Variants in YLPM1 observed in about 807,000 individuals in gnomAD.
YLPM1 encodes YLP motif-containing protein 1.
YLPM1 carries 99 observed loss-of-function variants against 230.0 expected under a neutral mutation model. The ratio of observed to expected loss-of-function variants is 0.43; its 90% CI spans 0.37 to 0.51. The LOEUF is 0.51. YLPM1 is among the 20% of genes least tolerant of loss of function. The probability of loss-of-function intolerance (pLI) is 0.00; values close to 1 mark genes in which losing one functional copy is unlikely to be tolerated. For synonymous variants in YLPM1, 984 were observed against 942.5 expected (o/e 1.04, Z -0.81); for missense variants, 2,592 against 2,707.7 (o/e 0.96, Z 0.95).
intron 11 of YLPM1, among the ~76,000 whole-genome samples, chr14:74,815,899 C>T (rs1039679516): frequency 4.6e-5 from 7 of 151,948 alleles, no homozygotes; most frequent in Non-Finnish European, 7.4e-5. Flanking sequence ...TTTCTGGCTC[C>T]TCTTGATTTC....
At chr14:74,776,644 G>A (rs2140081544) in intron 1 of YLPM1, among the ~76,000 whole-genome samples, 1 of 152,310 alleles carries the variant, frequency 6.6e-6, no homozygotes, top group South Asian at 2.1e-4. Flanking sequence ...AGAAGGCAGA[G>A]CATCACCTTG....
chr14:74,808,037 G>A (rs1383836058), intron 6 of YLPM1, among the ~76,000 whole-genome samples: 2 of 152,138 alleles, frequency 1.3e-5, no homozygotes, highest in African/African-American at 4.8e-5. Context: ...CAGTAGATTT[G>A]GTATTGGCCT....
chr14:74,807,117 C>T (rs2091387280), intron 6 of YLPM1, among the ~76,000 whole-genome samples: 1 of 152,136 alleles, frequency 6.6e-6, no homozygotes, highest in Non-Finnish European at 1.5e-5. Flanking sequence ...TAGTTACCTC[C>T]AGTCAAATAA....
At chr14:74,778,726 C>CT (rs1432917225) in intron 2 of YLPM1, 43 bp downstream of exon 2, 6 of 1,486,978 alleles carry the variant, frequency 4.0e-6, no homozygotes, top group African/African-American at 2.8e-5. Context: ...AATTATTTAG[C>CT]TTTTTTCTGA....
In YLPM1 at chr14:74,778,431, A is replaced by C. The variant is rs1329587236; in HGVS notation, c.874-16A>C. 6.4e-7 allele frequency: 1 copy of C among 1,572,410 alleles called. No individual in the cohort carries two copies. Among genetic ancestry groups the C allele is most frequent in the East Asian group, 2.3e-5 (1 of 43,376 alleles). ...TGATTGTCAATCAAAATTCTCAAAA[A>C]TTGTTTCTGTTGTAGGAACAGCAGC... is the stretch of plus-strand genomic sequence containing the variant. On this transcript the variant is annotated splice_polypyrimidine_tract_variant and intron_variant, in intron 1 of 20. Transcript: ENST00000325680.
At position 74,836,865 on chromosome 14, in the gene YLPM1, T is replaced by G. The variant is rs2091646648; in HGVS notation, c.*1127T>G. 6.6e-6 allele frequency: 1 copy of G among 152,602 alleles called. No homozygotes were observed. The highest frequency in any genetic ancestry group is 6.6e-5 in the Admixed American group (1 of 15,264). The allele number at this position is 152,602 out of a possible 1,614,324, so 9.5% of individuals were successfully genotyped here. ...AGATAAAACCCAAATATTATTTCTATGTAAACACAGAAAAGGGACTCTTCC... is the reference window on the plus strand; with the variant it reads ...AGATAAAACCCAAATATTATTTCTAGGTAAACACAGAAAAGGGACTCTTCC... On this transcript the variant is annotated 3_prime_UTR_variant, in exon 21 of 21. Coordinates refer to ENST00000325680, the MANE Select transcript of YLPM1 (RefSeq NM_019589.3).
Position 74,799,310 on chromosome 14 carries a change from C to T in YLPM1, c.4013C>T (p.Pro1338Leu), listed in dbSNP as rs1437728929. Residue 1338 changes from proline (P) to leucine (L), a missense_variant, in exon 5 of 21, where the codon CCA becomes CTA. By Grantham distance (98) the Pro-to-Leu change is moderately conservative. Transcript: ENST00000325680. Reference sequence around the variant, plus strand: ...TCTCTTCCACCTTTACCGCCCCTCCCACCTCTTCCACCTTTGGATAGATAT... The same window carrying T: ...TCTCTTCCACCTTTACCGCCCCTCCTACCTCTTCCACCTTTGGATAGATAT... Reference protein sequence around the residue: ...IPSLPPLPPLPPLPPLDRYRD... With the variant: ...IPSLPPLPPLLPLPPLDRYRD... 4 of 1,614,002 alleles carry T rather than the reference C, an allele frequency of 2.5e-6. No individual in the cohort carries two copies. Among genetic ancestry groups the T allele is most frequent in the Non-Finnish European group, 3.4e-6 (4 of 1,179,886 alleles).
intron 4 of YLPM1, among the ~76,000 whole-genome samples, chr14:74,788,120 T>TCC (rs2091167471): frequency 1.3e-5 from 2 of 151,152 alleles, no homozygotes; most frequent in Non-Finnish European, 3.0e-5. Context: ...ACATACCCTT[T>TCC]TTTTTTTTCT....
rs369732915 is a variant in YLPM1 at position 74,807,038 on chromosome 14, A to G, written c.4522-2342A>G. Among the ~76,000 whole-genome samples, 6 of 152,332 alleles carry G rather than the reference A, an allele frequency of 3.9e-5. No individual in the cohort carries two copies. In the South Asian group the frequency reaches 1.0e-3, roughly 26 times the overall value. On this transcript the variant is annotated intron_variant, in intron 6 of 20. Coordinates refer to ENST00000325680, the MANE Select transcript of YLPM1 (RefSeq NM_019589.3). ...CATCCTATATTGGCATTTTCTTGAC[A>G]AAGTTTACCATGCCATACTTTAAAA... is the stretch of plus-strand genomic sequence containing the variant.
rs375904066 is a variant in YLPM1 at position 74,776,533 on chromosome 14, C to T, written c.874-1914C>T. ...AGCATCTCAGCTCTATGCCTGGGGG[C>T]CATTTTAAATAGTGAAATCAACAAA... is the stretch of plus-strand genomic sequence containing the variant. On this transcript the variant is annotated intron_variant, in intron 1 of 20. Transcript: ENST00000325680. Among the ~76,000 whole-genome samples, 27 of 152,180 alleles carry T rather than the reference C, an allele frequency of 1.8e-4. No homozygotes were observed. The South Asian group carries it at 4.4e-3, about 25-fold the overall frequency.
At chr14:74,823,490 C>G (rs532495195) in intron 17 of YLPM1, among the ~76,000 whole-genome samples, 13 of 152,020 alleles carry the variant, frequency 8.6e-5, no homozygotes, top group Non-Finnish European at 1.3e-4. Context: ...ATTTGAAAAT[C>G]TTTTGGGAGT....
chr14:74,779,062 G>A (rs1164101817), intron 2 of YLPM1, among the ~76,000 whole-genome samples: 1 of 152,012 alleles, frequency 6.6e-6, no homozygotes, highest in Non-Finnish European at 1.5e-5. Flanking sequence ...GGCTGGTTTC[G>A]AACTCCTGAC....
chr14:74,766,987 G>A (rs1331139380), intron 1 of YLPM1, among the ~76,000 whole-genome samples: 9 of 149,492 alleles, frequency 6.0e-5, no homozygotes, highest in Non-Finnish European at 8.9e-5. Context: ...GGGTTCAAGC[G>A]ATTCTCCTGC....
intron 4 of YLPM1, among the ~76,000 whole-genome samples, chr14:74,788,604 G>A (rs984010870): frequency 3.9e-5 from 6 of 152,286 alleles, no homozygotes; most frequent in African/African-American, 9.6e-5. Flanking sequence ...AGCCCTTTGC[G>A]GGGCTGAGGC....
At position 74,821,118 on chromosome 14, in the gene YLPM1, A is replaced by G; in HGVS notation, c.6092A>G (p.Glu2031Gly). 1.3e-6 allele frequency: 2 copies of G among 1,547,622 alleles called. No individual in the cohort carries two copies. The highest frequency in any genetic ancestry group is 2.0e-5 in the Admixed American group (1 of 50,360). ...EEQKEEKKDA[E>G]EEESELGYIP... Reference sequence around the variant, plus strand: ...CAGAAAGAAGAAAAGAAAGATGCAGAGGAAGAGGAAAGCGAACTGGTAGGA... The same window carrying G: ...CAGAAAGAAGAAAAGAAAGATGCAGGGGAAGAGGAAAGCGAACTGGTAGGA... The change falls in exon 17 of 21, where the codon GAG (glutamate) becomes GGG (glycine). Residue 2031 changes from glutamate (E) to glycine (G), a missense_variant. Around this residue, in one of 4 missense-constraint regions of YLPM1, gnomAD observed 315 missense variants for 429.3 expected, o/e 0.73. Transcript: ENST00000325680.
rs371516586 is a variant in YLPM1, at chr14:74,783,307, G to T, written c.2282+982G>T. 1.1e-4 allele frequency among the ~76,000 whole-genome samples: 16 copies of T among 152,206 alleles called. No homozygotes were observed. In the East Asian group the frequency reaches 2.9e-3, roughly 28 times the overall value. ...TGGTCTCAAACTCCTGGGCTCAAGC[G>T]ATCCTCCTGCCTTGGCCTCCCTGCC... On this transcript the variant is annotated intron_variant, in intron 4 of 20. Transcript: ENST00000325680.
Position 74,763,587 on chromosome 14 carries a change from G to A in YLPM1, c.98G>A (p.Gly33Glu). ...GTGGCGCTTCCTGAGGCCTCGCCGG[G>A]GCCCGGGTACTCGAGCTCGACGACT... ...PPVALPEASP[G>E]PGYSSSTTPA... The change falls in exon 1 of 21, where the codon GGG (glycine) becomes GAG (glutamate). Residue 33 changes from glycine (G) to glutamate (E), a missense_variant. Coordinates refer to ENST00000325680, the MANE Select transcript of YLPM1 (RefSeq NM_019589.3). The A allele has an allele frequency of 6.3e-7, 1 of 1,586,786 alleles. No individual in the cohort carries two copies. The highest frequency in any genetic ancestry group is 8.6e-7 in the Non-Finnish European group (1 of 1,165,496).
chr14:74,772,559 A>G (rs1288908166), intron 1 of YLPM1, among the ~76,000 whole-genome samples: 7 of 152,056 alleles, frequency 4.6e-5, no homozygotes, highest in African/African-American at 1.7e-4. Flanking sequence ...GGGTTTCACC[A>G]TGTTGGTCAG....
chr14:74,810,665 G>C (rs1566759560), intron 9 of YLPM1, among the ~76,000 whole-genome samples: 2 of 151,994 alleles, frequency 1.3e-5, no homozygotes, highest in African/African-American at 4.8e-5. Context: ...GTCAATAAAG[G>C]TGCAGTCATA....
Sources: allele counts gnomAD v4.1 joint callset (sites outside exome capture counted in the v4.1 genomes callset), GRCh38; gene constraint gnomAD v4.1.1; regional missense constraint gnomAD v4.1.1; transcripts MANE v1.5; gene names NCBI Gene and HGNC (gene_info 2026-07-23, HGNC 2026-07-21).